DPP6: variants seen among roughly 807,000 people sequenced by gnomAD.
DPP6 encodes A-type potassium channel modulatory protein DPP6.
In DPP6, 69 loss-of-function variants were observed where a neutral mutation model predicts 122.6. The ratio of observed to expected loss-of-function variants is 0.56; its 90% CI spans 0.46 to 0.69. DPP6 has a LOEUF of 0.69. Among genes scored for constraint, DPP6 ranks in the 30% least tolerant of loss-of-function variants. The pLI, the probability that DPP6 is intolerant of heterozygous loss-of-function variation, is 0.00. For synonymous variants in DPP6, 418 were observed against 433.1 expected (o/e 0.97, Z 0.43); for missense variants, 928 against 1,116.9 (o/e 0.83, Z 2.41).
At chr7:154,244,881 A>T (rs1342918846) in intron 1 of DPP6, among the ~76,000 whole-genome samples, 1 of 152,116 alleles carries the variant, frequency 6.6e-6, no homozygotes, top group Non-Finnish European at 1.5e-5. Context: ...ATGCAAATTA[A>T]TTAAACATCC....
intron 1 of DPP6, among the ~76,000 whole-genome samples, chr7:154,367,483 AG>A (rs766443534): frequency 3.6e-4 from 55 of 152,232 alleles, no homozygotes; most frequent in Non-Finnish European, 7.3e-4. Flanking sequence ...CAATTTGAGA[AG>A]CTTGGCCTTA....
intron 5 of DPP6, among the ~76,000 whole-genome samples, chr7:154,576,591 G>A (rs1252860824): frequency 6.6e-6 from 1 of 152,064 alleles, no homozygotes; most frequent in Non-Finnish European, 1.5e-5. Flanking sequence ...TTTGAGATAC[G>A]GTCACTTGTT....
intron 1 of DPP6, among the ~76,000 whole-genome samples, chr7:154,325,616 A>T (rs562497574): frequency 1.8e-4 from 28 of 152,358 alleles, no homozygotes; most frequent in African/African-American, 6.5e-4. Flanking sequence ...AACCTTTCTT[A>T]ATTAGGCATT....
chr7:154,011,983 A>G (rs1268828979), intron 1 of DPP6, among the ~76,000 whole-genome samples: 2 of 152,200 alleles, frequency 1.3e-5, no homozygotes, highest in Non-Finnish European at 2.9e-5. Flanking sequence ...AACAATAACA[A>G]TGTCAAAACA....
chr7:154,705,293 A>G (rs942193604), intron 7 of DPP6, among the ~76,000 whole-genome samples: 1 of 152,250 alleles, frequency 6.6e-6, no homozygotes, highest in Non-Finnish European at 1.5e-5. Flanking sequence ...TTTGGCATCC[A>G]GGGACTCAGA....
chr7:154,136,254 G>T (rs960575492), intron 1 of DPP6, among the ~76,000 whole-genome samples: 1 of 152,162 alleles, frequency 6.6e-6, no homozygotes, highest in Non-Finnish European at 1.5e-5. Flanking sequence ...GACTGTCATT[G>T]GTAGATGGTG....
chr7:154,574,467 T>A (rs1387019069), intron 5 of DPP6, among the ~76,000 whole-genome samples: 1 of 127,152 alleles, frequency 7.9e-6, no homozygotes, highest in Non-Finnish European at 1.7e-5. Context: ...GTGGTACGTG[T>A]ATATGTGTGT....
At chr7:153,760,880 G>A in the DPP6 span, among the ~76,000 whole-genome samples, 1 of 152,034 alleles carries the variant, frequency 6.6e-6, no homozygotes, top group Non-Finnish European at 1.5e-5. Context: ...CTAATTTTCA[G>A]GGGGCCCTCA....
At chr7:154,345,961 T>G (rs1309282636) in intron 1 of DPP6, among the ~76,000 whole-genome samples, 2 of 152,214 alleles carry the variant, frequency 1.3e-5, no homozygotes, top group African/African-American at 4.8e-5. Flanking sequence ...ACAGACATGC[T>G]TTTGAACTGA....
At chr7:154,157,990 T>C (rs1222705367) in intron 1 of DPP6, among the ~76,000 whole-genome samples, 1 of 148,264 alleles carries the variant, frequency 6.7e-6, no homozygotes. Flanking sequence ...TATATATACA[T>C]ATATATTTAT....
intron 1 of DPP6, among the ~76,000 whole-genome samples, chr7:154,364,918 A>G (rs1210248928): frequency 6.6e-6 from 1 of 152,230 alleles, no homozygotes; most frequent in Non-Finnish European, 1.5e-5. Flanking sequence ...GACATTCATT[A>G]TTGAATGAAG....
At chr7:154,065,580 C>T (rs1802649360) in intron 1 of DPP6, among the ~76,000 whole-genome samples, 1 of 151,898 alleles carries the variant, frequency 6.6e-6, no homozygotes, top group Non-Finnish European at 1.5e-5. Context: ...TAAGCAGTTA[C>T]ACCATGGCCT....
intron 1 of DPP6, among the ~76,000 whole-genome samples, chr7:154,178,724 G>A (rs1797932115): frequency 1.3e-5 from 2 of 152,204 alleles, no homozygotes; most frequent in Admixed American, 1.3e-4. Flanking sequence ...CCTGCTCAGA[G>A]ATGATCCTGC....
Position 154,205,769 on chromosome 7 carries a change from T to TA in DPP6, c.243+152721dup, listed in dbSNP as rs35151924. ...TTAATTCCACCAAACCTAGAATTGT[T>TA]AAAAAAAAAAAAAAATTAATTAATT... On this transcript the variant is annotated intron_variant, in intron 1 of 25. Coordinates refer to ENST00000377770, the MANE Select transcript of DPP6 (RefSeq NM_130797.4). Among the ~76,000 whole-genome samples, 778 of 150,390 alleles carry TA rather than the reference T, an allele frequency of 5.2e-3. 6 individuals carry two copies. Among genetic ancestry groups the TA allele is most frequent in the African/African-American group, 0.013 (533 of 40,842 alleles).
the DPP6 span, among the ~76,000 whole-genome samples, chr7:153,841,651 A>G: frequency 1.3e-5 from 2 of 152,224 alleles, no homozygotes; most frequent in African/African-American, 4.8e-5. Flanking sequence ...CATTTCACTT[A>G]TATTTCCACA....
At chr7:154,313,712 T>TACGC (rs1554515586) in intron 1 of DPP6, among the ~76,000 whole-genome samples, 2,863 of 24,922 alleles carry the variant, frequency 0.11, 815 homozygotes, top group African/African-American at 0.28. Context: ...TATATATATA[T>TACGC]ATACACACAC....
chr7:154,312,618 G>A lies in DPP6; in HGVS notation c.244-133596G>A, dbSNP rs186634989. Among the ~76,000 whole-genome samples, 332 of 152,308 alleles carry A rather than the reference G, an allele frequency of 2.2e-3. 1 individual carries two copies. The highest frequency in any genetic ancestry group is 6.5e-3 in the African/African-American group (270 of 41,558). On this transcript the variant is annotated intron_variant, in intron 1 of 25. Transcript: ENST00000377770. ...AATATCTGTATGTGCGCCCATGTATGTGTGGGCAGAGGGGGCGATGGGAGA... is the reference window on the plus strand; with the variant it reads ...AATATCTGTATGTGCGCCCATGTATATGTGGGCAGAGGGGGCGATGGGAGA...
intron 7 of DPP6, among the ~76,000 whole-genome samples, chr7:154,683,429 T>C (rs914428081): frequency 6.6e-6 from 1 of 152,186 alleles, no homozygotes; most frequent in African/African-American, 2.4e-5. Context: ...CCCACCGGCT[T>C]GATCCACTAT....
chr7:154,646,513 CCTT>C (rs1226637043), intron 6 of DPP6, among the ~76,000 whole-genome samples: 1 of 152,172 alleles, frequency 6.6e-6, no homozygotes, highest in Non-Finnish European at 1.5e-5. Flanking sequence ...GTCAAAACCT[CCTT>C]CTCTAAAAAA....
Sources: gnomAD v4.1 joint callset for allele counts (sites outside exome capture counted in the v4.1 genomes callset) on GRCh38, gnomAD v4.1.1 for gene constraint, MANE v1.5 for transcripts, NCBI Gene and HGNC (gene_info 2026-07-23, HGNC 2026-07-21) for gene names.